CRYBG2: variants seen among roughly 807,000 people sequenced by gnomAD.
CRYBG2 encodes crystallin beta-gamma domain containing 2.
Under a neutral mutation model 153.4 loss-of-function variants are expected in CRYBG2, and 106 were observed. The ratio of observed to expected loss-of-function variants is 0.69; its 90% CI spans 0.59 to 0.81. CRYBG2 has a LOEUF of 0.81. CRYBG2 is among the 30% of genes least tolerant of loss of function. The pLI, the probability that CRYBG2 is intolerant of heterozygous loss-of-function variation, is 0.00. For synonymous variants in CRYBG2, 851 were observed against 877.8 expected, an observed-to-expected ratio of 0.97 and a Z score of 0.54; for missense variants, 1,996 against 2,112.0, an observed-to-expected ratio of 0.95 and a Z score of 1.08.
chr1:26,345,430 T>C lies in CRYBG2; in HGVS notation c.1228A>G (p.Ser410Gly), dbSNP rs1404100281. The C allele has an allele frequency of 1.2e-6, 2 of 1,608,320 alleles. No individual in the cohort carries two copies. The highest frequency in any genetic ancestry group is 8.5e-7 in the Non-Finnish European group (1 of 1,176,880). ...PAATVLPMVR[S>G]EHVTVPGQPP... is the part of the protein sequence containing the mutation. ...TGTCCAGGGACTGTCACATGCTCGC[T>C]CCTCACCATGGGCAGGACGGTGGCA... is the stretch of plus-strand genomic sequence containing the variant. Residue 410 changes from serine (S) to glycine (G), a missense_variant, in exon 2 of 20, where the codon AGC becomes GGC. Physicochemically the swap from Ser to Gly is moderately conservative, Grantham distance 56. Transcript: ENST00000308182.
chr1:26,344,883 G>C lies in CRYBG2; in HGVS notation c.1775C>G (p.Ser592Ter). The change falls in exon 2 of 20, where the codon TCA (serine) becomes TGA (stop). Residue 592 changes from serine to a stop codon, truncating the protein, a stop_gained. Coordinates refer to ENST00000308182, the MANE Select transcript of CRYBG2 (RefSeq NM_001039775.4). LOFTEE classifies it high-confidence loss of function. Reference protein sequence around the residue: ...VVKGPGAPAASSPTQKEVVKG... With the variant: ...VVKGPGAPAA ...CACAACCTCTTTCTGGGTGGGCGAT[G>C]AGGCAGCAGGAGCACCAGGGCCCTT... The C allele has an allele frequency of 6.5e-7, 1 of 1,532,750 alleles. No homozygotes were observed. Among genetic ancestry groups the C allele is most frequent in the Non-Finnish European group, 8.7e-7 (1 of 1,146,340 alleles). The allele number at this position is 1,532,750 out of a possible 1,614,324, so 94.9% of individuals were successfully genotyped here.
chr1:26,328,143 C>T (rs1380789204), intron 17 of CRYBG2, 66 bp downstream of exon 17: 7 of 1,528,072 alleles, frequency 4.6e-6, no homozygotes, highest in Non-Finnish European at 6.2e-6. Context: ...GCTAGACACT[C>T]ATCCAGAAAG....
At position 26,342,854 on chromosome 1, in the gene CRYBG2, C is replaced by G. The variant is rs370700730; in HGVS notation, c.3104G>C (p.Arg1035Pro). The change falls in exon 5 of 20, where the codon CGG (arginine) becomes CCG (proline). Residue 1035 changes from arginine to proline, a missense_variant. Coordinates refer to ENST00000308182, the MANE Select transcript of CRYBG2 (RefSeq NM_001039775.4). ...TTCAGGCAGGACCAGCTTCTGACCC[C>G]GGAACTCTGGCTCTTCGTACAGCAC... Reference protein sequence around the residue: ...CWVLYEEPEFRGQKLVLPEGD... With the variant: ...CWVLYEEPEFPGQKLVLPEGD... 6 of 1,614,124 alleles carry G rather than the reference C, an allele frequency of 3.7e-6. No individual in the cohort carries two copies. In the Admixed American group the frequency reaches 8.3e-5, roughly 22 times the overall value.
intron 8 of CRYBG2, 87 bp downstream of exon 8, chr1:26,337,925 T>C: frequency 6.6e-7 from 1 of 1,525,484 alleles, no homozygotes; most frequent in Non-Finnish European, 8.9e-7. Context: ...TGCCCTCCTC[T>C]CTGGATTTCC....
intron 17 of CRYBG2, chr1:26,326,781 AC>A (rs1257380977): frequency 8.0e-6 from 4 of 498,152 alleles, no homozygotes; most frequent in Non-Finnish European, 4.0e-6. Flanking sequence ...AGAATTGTTG[AC>A]CTCTATACCT....
At position 26,338,353 on chromosome 1, in the gene CRYBG2, A is replaced by G. The variant is rs2074087288; in HGVS notation, c.3469T>C (p.Leu1157=). 1.3e-6 allele frequency: 2 copies of G among 1,600,002 alleles called. No homozygotes were observed. Among genetic ancestry groups the G allele is most frequent in the Non-Finnish European group, 1.7e-6 (2 of 1,174,314 alleles). Residue 1157 remains leucine, a splice_region_variant and synonymous_variant, in exon 7 of 20, where the codon TTG becomes CTG. Coordinates refer to ENST00000308182, the MANE Select transcript of CRYBG2 (RefSeq NM_001039775.4). ...PSVGSLKPMR[L]GCPSVEKPGE... Reference sequence around the variant, plus strand: ...TGTGGGTGTGCCCTGTTCTTTACCAATCTCATGGGCTTCAGGGAGCCCACG... The same window carrying G: ...TGTGGGTGTGCCCTGTTCTTTACCAGTCTCATGGGCTTCAGGGAGCCCACG...
At chr1:26,339,147 T>C in intron 6 of CRYBG2, 143 bp downstream of exon 6, 6 of 1,040,474 alleles carry the variant, frequency 5.8e-6, no homozygotes, top group Non-Finnish European at 8.2e-6. Flanking sequence ...AAACACTGAA[T>C]TGCTATTGTC....
chr1:26,336,982 TG>T lies in CRYBG2; in HGVS notation c.3772-3del. The T allele has an allele frequency of 6.2e-7, 1 of 1,613,526 alleles. No homozygotes were observed. Among genetic ancestry groups the T allele is most frequent in the Non-Finnish European group, 8.5e-7 (1 of 1,179,862 alleles). On this transcript the variant is annotated splice_polypyrimidine_tract_variant and splice_region_variant and intron_variant, in intron 10 of 19. Transcript: ENST00000308182. This position sits in a 1 kb window ranked among gnomAD's most constrained non-coding sequence, Gnocchi z 4.9. Reference sequence around the variant, plus strand: ...CACGACGGCCGGGTCCCCGAAGTCCTGGGTCCCCAGGGACAGTCAGGTCTCT... The same window carrying T: ...CACGACGGCCGGGTCCCCGAAGTCCTGGTCCCCAGGGACAGTCAGGTCTCT...
intron 10 of CRYBG2, 51 bp downstream of exon 10, chr1:26,337,202 A>T (rs1384771163): frequency 1.9e-6 from 3 of 1,608,852 alleles, no homozygotes. Context: ...GTACTGGGGG[A>T]GGTCTGGCTG....
At chr1:26,324,512 A>T (rs984163788) in intron 17 of CRYBG2, among the ~76,000 whole-genome samples, 9 of 149,628 alleles carry the variant, frequency 6.0e-5, no homozygotes, top group African/African-American at 1.5e-4. Flanking sequence ...TCTCACACAC[A>T]CACACACACA....
At chr1:26,333,214 A>G (rs780340892) in intron 14 of CRYBG2, among the ~76,000 whole-genome samples, 2 of 151,780 alleles carry the variant, frequency 1.3e-5, no homozygotes, top group Non-Finnish European at 2.9e-5. Context: ...TTAGGAGGTA[A>G]TTCGGTTTAG....
At position 26,337,241 on chromosome 1, in the gene CRYBG2, G is replaced by A. The variant is rs777063621; in HGVS notation, c.3771+12C>T. ...CCAGAGGCAGAGGGATGGGCCAATT[G>A]CCTTTGCTTACCGTCCGGATGACCC... On this transcript the variant is annotated intron_variant, in intron 10 of 19. Transcript: ENST00000308182. The A allele has an allele frequency of 1.3e-5, 21 of 1,613,844 alleles. No individual in the cohort carries two copies. In the South Asian group the frequency reaches 2.2e-4, roughly 17 times the overall value.
At chr1:26,335,752 T>C (rs2074046172) in intron 14 of CRYBG2, among the ~76,000 whole-genome samples, 1 of 152,160 alleles carries the variant, frequency 6.6e-6, no homozygotes, top group African/African-American at 2.4e-5. Context: ...ATTAATTTTA[T>C]TAGATGTGAT....
At chr1:26,328,165 C>T (rs1447259115) in intron 17 of CRYBG2, 44 bp downstream of exon 17, 3 of 1,545,726 alleles carry the variant, frequency 1.9e-6, no homozygotes, top group Non-Finnish European at 2.6e-6. Flanking sequence ...CCTGCCCAGA[C>T]ACGCTCAGCC....
chr1:26,342,919 A>T lies in CRYBG2; in HGVS notation c.3075-36T>A, dbSNP rs562507429. ...AGAGATTCCAGGATCACAGATGGGG[A>T]GGAGGATGTGCCCAGGGCTGCTGGG... On this transcript the variant is annotated intron_variant, in intron 4 of 19. Coordinates refer to ENST00000308182, the MANE Select transcript of CRYBG2 (RefSeq NM_001039775.4). 14 of 1,612,326 alleles carry T rather than the reference A, an allele frequency of 8.7e-6. No homozygotes were observed. In the South Asian group the frequency reaches 1.4e-4, roughly 16 times the overall value.
rs767673703 is a variant in CRYBG2 at position 26,331,504 on chromosome 1, G to T, written c.4299C>A (p.Leu1433=). 2 of 1,613,810 alleles carry T rather than the reference G, an allele frequency of 1.2e-6. No homozygotes were observed. The highest frequency in any genetic ancestry group is 1.7e-6 in the Non-Finnish European group (2 of 1,179,882). ...GCLASTVLGS[L]QKVSLHFSEP... is the part of the protein sequence containing the mutation. ...GGAAACTCACCAGGGATACCTTCTG[G>T]AGAGAGCCCAGGACTGTGGAGGCGA... The change falls in exon 15 of 20, where the codon CTC becomes CTA. Residue 1433 remains leucine (L), a synonymous_variant. Coordinates refer to ENST00000308182, the MANE Select transcript of CRYBG2 (RefSeq NM_001039775.4).
At position 26,346,793 on chromosome 1, in the gene CRYBG2, G is replaced by T; in HGVS notation, c.-55-81C>A. On this transcript the variant is annotated intron_variant, in intron 1 of 19. Coordinates refer to ENST00000308182, the MANE Select transcript of CRYBG2 (RefSeq NM_001039775.4). The surrounding 1 kb of genome is among the most constrained non-coding windows in gnomAD (Gnocchi z 4.9). ...GTGCAGAATAACCACCCCTACCCAAGTCAGGCTGGGAACCTCAGGCAAATC... is the reference window on the plus strand; with the variant it reads ...GTGCAGAATAACCACCCCTACCCAATTCAGGCTGGGAACCTCAGGCAAATC... The T allele has an allele frequency of 1.1e-6, 1 of 929,952 alleles. No homozygotes were observed. Among genetic ancestry groups the T allele is most frequent in the Non-Finnish European group, 1.6e-6 (1 of 643,666 alleles). 57.6% of individuals were successfully genotyped at this position (929,952 alleles called of 1,614,324 possible). A position where few individuals can be genotyped will look rare whatever the true frequency, so the allele number is the denominator to read the frequency against.
In CRYBG2 at chr1:26,344,807, C is replaced by T. The variant is rs754142422; in HGVS notation, c.1851G>A (p.Val617=). ...AGGCAGCAGGAGCACCAGACCCCTGCACCACCTCCTTCTGGGTGGGAGATG... is the reference window on the plus strand; with the variant it reads ...AGGCAGCAGGAGCACCAGACCCCTGTACCACCTCCTTCTGGGTGGGAGATG... ...AASSPTQKEV[V]QGSGAPAALS... The change falls in exon 2 of 20, where the codon GTG becomes GTA. Residue 617 remains valine (V), a synonymous_variant. Coordinates refer to ENST00000308182, the MANE Select transcript of CRYBG2 (RefSeq NM_001039775.4). 12 of 1,536,126 alleles carry T rather than the reference C, an allele frequency of 7.8e-6. No individual in the cohort carries two copies. In the South Asian group the frequency reaches 1.3e-4, roughly 17 times the overall value.
In CRYBG2 at chr1:26,343,997, G is replaced by C; in HGVS notation, c.2661C>G (p.His887Gln). Residue 887 changes from histidine (H) to glutamine (Q), a missense_variant, in exon 2 of 20, where the codon CAC (histidine) becomes CAG (glutamine). Coordinates refer to ENST00000308182, the MANE Select transcript of CRYBG2 (RefSeq NM_001039775.4). The surrounding 1 kb of genome is among the most constrained non-coding windows in gnomAD (Gnocchi z 4.1). ...CCTGCAGTTCCAATCCCAGCTCTGA[G>C]TGGGGGCCCTTGGTTCCTGCTACAT... Reference protein sequence around the residue: ...KKHVAGTKGPHSELGLELQGG... With the variant: ...KKHVAGTKGPQSELGLELQGG... 6.5e-7 allele frequency: 1 copy of C among 1,536,470 alleles called. No individual in the cohort carries two copies. Among genetic ancestry groups the C allele is most frequent in the Non-Finnish European group, 8.7e-7 (1 of 1,146,898 alleles).
Sources: allele counts gnomAD v4.1 joint callset (sites outside exome capture counted in the v4.1 genomes callset), GRCh38; gene constraint gnomAD v4.1.1; non-coding constraint Gnocchi (gnomAD v3.1); transcripts MANE v1.5; gene names NCBI Gene and HGNC (gene_info 2026-07-23, HGNC 2026-07-21).